Variants in DMBX1 observed in about 807,000 individuals in gnomAD.
DMBX1 encodes diencephalon/mesencephalon homeobox protein 1.
Under a neutral mutation model 30.4 loss-of-function variants are expected in DMBX1, and 7 were observed. That is an observed-to-expected ratio of 0.23 (90% CI 0.13 to 0.43). The LOEUF is 0.43. Among genes scored for constraint, DMBX1 ranks in the 20% least tolerant of loss-of-function variants. The pLI, the probability that DMBX1 is intolerant of heterozygous loss-of-function variation, is 1.00. For synonymous variants in DMBX1, 222 were observed against 214.2 expected (o/e 1.04, Z -0.32); for missense variants, 460 against 508.5 (o/e 0.90, Z 0.92).
chr1:46,512,031 C>T lies in DMBX1; in HGVS notation c.683-12C>T. The stretch of plus-strand genomic sequence containing the variant: ...GTCCTGAGGGCTTTGTTCTTGGGTT[C>T]TCTGCTTGCAGATTCCCCAGGCAGC... On this transcript the variant is annotated splice_polypyrimidine_tract_variant and intron_variant, in intron 5 of 5. Transcript: ENST00000360032. This position sits in a 1 kb window ranked among gnomAD's most constrained non-coding sequence, Gnocchi z 4.8. 6.2e-7 allele frequency: 1 copy of T among 1,604,582 alleles called. No homozygotes were observed. The highest frequency in any genetic ancestry group is 1.3e-5 in the African/African-American group (1 of 74,834).
intron 2 of DMBX1, among the ~76,000 whole-genome samples, chr1:46,501,251 TTTCTTTCTTTCTTTCTTTCTC>T (rs1666127868): frequency 7.1e-6 from 1 of 140,300 alleles, no homozygotes; most frequent in South Asian, 2.4e-4. Flanking sequence ...TCTTTCTTTC[TTTCTTTCTTTCTTTCTTTCTC>T]TTCTTTCTTT....
At chr1:46,499,954 C>G (rs1307138347) in intron 2 of DMBX1, among the ~76,000 whole-genome samples, 1 of 152,172 alleles carries the variant, frequency 6.6e-6, no homozygotes, top group Non-Finnish European at 1.5e-5. Context: ...TCTGAGAATA[C>G]TTATCACAGC....
intron 2 of DMBX1, among the ~76,000 whole-genome samples, chr1:46,498,578 G>A (rs1666067127): frequency 6.6e-6 from 1 of 151,950 alleles, no homozygotes; most frequent in African/African-American, 2.4e-5. Flanking sequence ...TGACTTTCTA[G>A]GGTACCATTT....
chr1:46,496,183 G>A (rs1258154207), intron 2 of DMBX1, among the ~76,000 whole-genome samples: 1 of 152,184 alleles, frequency 6.6e-6, no homozygotes, highest in African/African-American at 2.4e-5. Context: ...TGGATATGGG[G>A]CTCTTGGAGG....
chr1:46,505,194 ATT>A (rs1292110416), intron 2 of DMBX1, among the ~76,000 whole-genome samples: 13 of 141,900 alleles, frequency 9.2e-5, no homozygotes, highest in Admixed American at 7.9e-4. Context: ...CAGTGTGGCG[ATT>A]CCTCAGGGAT....
intron 1 of DMBX1, among the ~76,000 whole-genome samples, 40 bp from the exon 2 acceptor site, chr1:46,490,604 C>T (rs1665912166): frequency 6.6e-6 from 1 of 152,218 alleles, no homozygotes; most frequent in Non-Finnish European, 1.5e-5. Context: ...CGCAGTGCTC[C>T]GGGCATTGCC....
At chr1:46,500,211 A>G (rs1666097566) in intron 2 of DMBX1, among the ~76,000 whole-genome samples, 1 of 152,050 alleles carries the variant, frequency 6.6e-6, no homozygotes, top group African/African-American at 2.4e-5. Flanking sequence ...GGAAGATCTC[A>G]GAGACCTTCC....
chr1:46,507,224 C>G, intron 3 of DMBX1, 60 bp downstream of exon 3: 1 of 1,590,754 alleles, frequency 6.3e-7, no homozygotes, highest in Non-Finnish European at 8.6e-7. Context: ...GGAGAAGGCT[C>G]TGGAAGGCAA....
intron 2 of DMBX1, among the ~76,000 whole-genome samples, chr1:46,494,755 C>T (rs1022300741): frequency 2.6e-5 from 4 of 152,222 alleles, no homozygotes; most frequent in African/African-American, 9.7e-5. Context: ...TCCAAGCCCA[C>T]CTGCCTGCCA....
Position 46,510,562 on chromosome 1 carries a change from C to T in DMBX1, c.241C>T (p.Leu81=). The change falls in exon 4 of 6, where the codon CTG becomes TTG. Residue 81 remains leucine, a synonymous_variant. Transcript: ENST00000360032. The surrounding 1 kb of genome is among the most constrained non-coding windows in gnomAD (Gnocchi z 4.1). ...GTTCACGGCTCAGCAGCTCGAGGCC[C>T]TGGAAAAGACCTTCCAGAAGACTCA... ...TAFTAQQLEA[L]EKTFQKTHYP... 2 of 1,614,190 alleles carry T rather than the reference C, an allele frequency of 1.2e-6. No homozygotes were observed. Among genetic ancestry groups the T allele is most frequent in the Middle Eastern group, 3.3e-4 (2 of 6,060 alleles).
In DMBX1 at chr1:46,494,087, G is replaced by C. The variant is rs532910234; in HGVS notation, c.-13+3304G>C. On this transcript the variant is annotated intron_variant, in intron 2 of 5. Transcript: ENST00000360032. ...ATCTCGGCTCCGCCCAAGTCTCCTCGATCTCCAGTGTGCTAGCTGTATCTC... is the reference window on the plus strand; with the variant it reads ...ATCTCGGCTCCGCCCAAGTCTCCTCCATCTCCAGTGTGCTAGCTGTATCTC... Among the ~76,000 whole-genome samples the C allele has an allele frequency of 1.4e-4, 21 of 152,320 alleles. No homozygotes were observed. In the South Asian group the frequency reaches 3.7e-3, roughly 27 times the overall value.
intron 2 of DMBX1, among the ~76,000 whole-genome samples, chr1:46,503,634 C>T (rs921202029): frequency 4.6e-5 from 7 of 152,140 alleles, no homozygotes; most frequent in Admixed American, 1.3e-4. Flanking sequence ...TGTCTGCGTA[C>T]GTGTATTTTT....
chr1:46,501,447 AT>A (rs900521038), intron 2 of DMBX1, among the ~76,000 whole-genome samples: 1 of 149,988 alleles, frequency 6.7e-6, no homozygotes, highest in Admixed American at 6.6e-5. Flanking sequence ...CACCCGGCTA[AT>A]TTTTTGTATT....
chr1:46,495,852 G>C (rs975523689), intron 2 of DMBX1, among the ~76,000 whole-genome samples: 12 of 152,218 alleles, frequency 7.9e-5, no homozygotes, highest in Non-Finnish European at 1.5e-4. Context: ...GTGGGAGGCA[G>C]CCACATAGTA....
At chr1:46,499,477 G>A (rs958024324) in intron 2 of DMBX1, among the ~76,000 whole-genome samples, 2 of 152,198 alleles carry the variant, frequency 1.3e-5, no homozygotes, top group African/African-American at 4.8e-5. Context: ...TTCACCTGTT[G>A]ACACCTGTTT....
chr1:46,512,772 G>A lies in DMBX1; in HGVS notation c.*278G>A. 1 of 476,324 alleles carries A rather than the reference G, an allele frequency of 2.1e-6. No homozygotes were observed. Among genetic ancestry groups the A allele is most frequent in the Non-Finnish European group, 3.7e-6 (1 of 268,740 alleles). 29.5% of individuals were successfully genotyped at this position (476,324 alleles called of 1,614,324 possible). On this transcript the variant is annotated 3_prime_UTR_variant, in exon 6 of 6. Transcript: ENST00000360032. The surrounding 1 kb of genome is among the most constrained non-coding windows in gnomAD (Gnocchi z 4.8). ...CTCGGAGAAGTGAGAGGCTCTCCCT[G>A]GCTAGATCCTCATCTCAATAGCACC...
intron 3 of DMBX1, among the ~76,000 whole-genome samples, chr1:46,507,736 C>G (rs1666268665): frequency 6.6e-6 from 1 of 152,176 alleles, no homozygotes; most frequent in African/African-American, 2.4e-5. Flanking sequence ...TGGAACGTAA[C>G]ATGGCTAAAA....
Position 46,510,332 on chromosome 1 carries a change from T to C in DMBX1, c.155-144T>C. On this transcript the variant is annotated intron_variant, in intron 3 of 5. Coordinates refer to ENST00000360032, the MANE Select transcript of DMBX1 (RefSeq NM_172225.2). The surrounding 1 kb of genome is among the most constrained non-coding windows in gnomAD (Gnocchi z 4.1). Reference sequence around the variant, plus strand: ...CACAGCCATATGGAGAGGGGATGGCTGATTTCTAAGGGTAAGGGACCAGGG... The same window carrying C: ...CACAGCCATATGGAGAGGGGATGGCCGATTTCTAAGGGTAAGGGACCAGGG... 9.9e-7 allele frequency: 1 copy of C among 1,006,286 alleles called. No homozygotes were observed. The highest frequency in any genetic ancestry group is 1.4e-6 in the Non-Finnish European group (1 of 706,336). The allele number at this position is 1,006,286 out of a possible 1,614,324, so 62.3% of individuals were successfully genotyped here.
intron 2 of DMBX1, among the ~76,000 whole-genome samples, chr1:46,504,744 C>A (rs1456502738): frequency 2.0e-5 from 3 of 151,312 alleles, no homozygotes; most frequent in Admixed American, 6.6e-5. Context: ...TTTTCCAATT[C>A]TGTGAAGAAA....
Sources: allele counts gnomAD v4.1 joint callset (sites outside exome capture counted in the v4.1 genomes callset), GRCh38; gene constraint gnomAD v4.1.1; non-coding constraint Gnocchi (gnomAD v3.1); transcripts MANE v1.5; gene names NCBI Gene and HGNC (gene_info 2026-07-23, HGNC 2026-07-21).